ADGRF5: variants seen among roughly 807,000 people sequenced by gnomAD.
ADGRF5 encodes the protein G-protein coupled receptor 116.
Under a neutral mutation model 132.3 loss-of-function variants are expected in ADGRF5, and 75 were observed. That is an observed-to-expected ratio of 0.57 (90% CI 0.47 to 0.69). ADGRF5 has a LOEUF of 0.69. Ranked by LOEUF, ADGRF5 falls within the 30% of genes least tolerant of loss-of-function variation. ADGRF5 has a pLI of 0.00. For missense variants in ADGRF5, 1,516 were observed against 1,630.6 expected (o/e 0.93, Z 1.21); for synonymous variants, 629 against 597.6 (o/e 1.05, Z -0.77).
chr6:46,953,394 G>A (rs1778571147), intron 1 of ADGRF5, among the ~76,000 whole-genome samples: 1 of 151,860 alleles, frequency 6.6e-6, no homozygotes. Context: ...GGCCAAAGTG[G>A]GCAGATCACC....
intron 1 of ADGRF5, among the ~76,000 whole-genome samples, chr6:46,952,270 T>C (rs376572936): frequency 2.0e-5 from 3 of 152,298 alleles, no homozygotes; most frequent in African/African-American, 7.2e-5. Context: ...CTTATTTCAG[T>C]TTTCCTTAAT....
Position 46,858,223 on chromosome 6 carries a change from A to G in ADGRF5, c.3680T>C (p.Leu1227Pro), listed in dbSNP as rs1373859781. ...ACCAAAACCCCAAGTGAGGCCCAAG[A>G]GTGGTGTGAGGACCCCAATGCTCTT... ...ISKSIGVLTP[L>P]LGLTWGFGLT... The change falls in exon 17 of 21, where the codon CTC becomes CCC. Residue 1227 changes from leucine (L) to proline (P), a missense_variant. Coordinates refer to ENST00000283296, the MANE Select transcript of ADGRF5 (RefSeq NM_001098518.2). 1 of 1,614,140 alleles carries G rather than the reference A, an allele frequency of 6.2e-7. No homozygotes were observed. Among genetic ancestry groups the G allele is most frequent in the Non-Finnish European group, 8.5e-7 (1 of 1,180,016 alleles).
intron 11 of ADGRF5, chr6:46,869,451 AAGGG>A: frequency 1.1e-6 from 1 of 896,238 alleles, no homozygotes; most frequent in Non-Finnish European, 1.3e-6. Flanking sequence ...GTAACACCTT[AAGGG>A]AGAACAAATG....
chr6:46,909,338 T>G (rs1775703996), intron 1 of ADGRF5, among the ~76,000 whole-genome samples: 1 of 152,166 alleles, frequency 6.6e-6, no homozygotes, highest in African/African-American at 2.4e-5. Flanking sequence ...ATTCCCGATC[T>G]CCTTCTCTTT....
At chr6:46,884,773 C>T (rs184686571) in intron 4 of ADGRF5, among the ~76,000 whole-genome samples, 252 of 152,288 alleles carry the variant, frequency 1.7e-3, no homozygotes, top group Middle Eastern at 3.4e-3. Flanking sequence ...TCTTTCTCCC[C>T]TCACTCTGGG....
chr6:46,867,322 A>C (rs1325515492), intron 12 of ADGRF5, among the ~76,000 whole-genome samples, 185 bp from the exon 13 acceptor site: 1 of 152,234 alleles, frequency 6.6e-6, no homozygotes, highest in Non-Finnish European at 1.5e-5. Context: ...CATGCACTTG[A>C]AGGACTAACC....
chr6:46,953,685 A>ATATATATATATATATC (rs1326327311), intron 1 of ADGRF5, among the ~76,000 whole-genome samples: 28 of 126,940 alleles, frequency 2.2e-4, no homozygotes, highest in Admixed American at 9.9e-4. Flanking sequence ...ATATATATAT[A>ATATATATATATATATC]TATATCTCAC....
chr6:46,861,836 G>A (rs1020879373), intron 15 of ADGRF5, among the ~76,000 whole-genome samples: 1 of 152,094 alleles, frequency 6.6e-6, no homozygotes, highest in Non-Finnish European at 1.5e-5. Context: ...ATTGGGACTT[G>A]GGCCCACATC....
At chr6:46,912,590 G>C (rs1255618634) in intron 1 of ADGRF5, among the ~76,000 whole-genome samples, 1 of 152,130 alleles carries the variant, frequency 6.6e-6, no homozygotes, top group African/African-American at 2.4e-5. Context: ...ATAGAGAGTA[G>C]AGAAGGAGGC....
At chr6:46,870,693 T>C (rs1770953774) in intron 11 of ADGRF5, 1 of 237,696 alleles carries the variant, frequency 4.2e-6, no homozygotes, top group Non-Finnish European at 8.6e-6. Flanking sequence ...CTCTTGATTG[T>C]CTGATGAGAT....
At chr6:46,869,123 G>T (rs764045317) in intron 11 of ADGRF5, 31 bp from the exon 12 acceptor site, 2 of 1,599,424 alleles carry the variant, frequency 1.3e-6, no homozygotes, top group Admixed American at 3.4e-5. Flanking sequence ...ACAGACAAAA[G>T]AAAACTGACA....
At chr6:46,879,796 A>G (rs1163852270) in intron 9 of ADGRF5, 22 bp downstream of exon 9, 1 of 1,471,762 alleles carries the variant, frequency 6.8e-7, no homozygotes, top group East Asian at 2.3e-5. Context: ...TTCCTCACAC[A>G]AGTTACTGAA....
chr6:46,889,273 A>G (rs1246824020), intron 3 of ADGRF5, among the ~76,000 whole-genome samples: 1 of 146,698 alleles, frequency 6.8e-6, no homozygotes, highest in Non-Finnish European at 1.5e-5. Context: ...AGACTACTAT[A>G]TATACTATAT....
At chr6:46,890,972 G>A (rs182582715) in intron 3 of ADGRF5, among the ~76,000 whole-genome samples, 298 of 152,174 alleles carry the variant, frequency 2.0e-3, no homozygotes, top group African/African-American at 6.6e-3. Flanking sequence ...TGTAACATTT[G>A]TTCATTTAGC....
Position 46,946,415 on chromosome 6 carries a change from G to A in ADGRF5, c.-25+8319C>T, listed in dbSNP as rs115640161. On this transcript the variant is annotated intron_variant, in intron 1 of 20. Coordinates refer to the ADGRF5 transcript ENST00000265417. ...TGGGGTAGCGTAGACAGAACACAAT[G>A]TGAATGGTTGGTGATGATGTGAAGA... Among the ~76,000 whole-genome samples, 419 of 152,326 alleles carry A rather than the reference G, an allele frequency of 2.8e-3. 3 individuals are homozygous for A. The highest frequency in any genetic ancestry group is 9.5e-3 in the African/African-American group (393 of 41,572).
At chr6:46,920,774 G>A (rs1193541779) in intron 1 of ADGRF5, among the ~76,000 whole-genome samples, 1 of 151,794 alleles carries the variant, frequency 6.6e-6, no homozygotes, top group African/African-American at 2.4e-5. Context: ...GAGGCAGGAG[G>A]ATCGTTTGAA....
chr6:46,927,130 C>G (rs751702739), intron 1 of ADGRF5, among the ~76,000 whole-genome samples: 1 of 151,942 alleles, frequency 6.6e-6, no homozygotes, highest in Non-Finnish European at 1.5e-5. Flanking sequence ...CTTTGACTCC[C>G]AAAAAAGTTT....
chr6:46,878,404 A>G lies in ADGRF5; in HGVS notation c.1038T>C (p.Gly346=), dbSNP rs866732444. ...CTAATATCAGTTTGCAAACATATTC[A>G]CCTGCATAAAATACACAAAATCATG... ...TIHNITPGDA[G]EYVCKLILDI... is the part of the protein sequence containing the mutation. Residue 346 remains glycine, a splice_region_variant and synonymous_variant, in exon 10 of 21, where the codon GGT becomes GGC. Coordinates refer to ENST00000283296, the MANE Select transcript of ADGRF5 (RefSeq NM_001098518.2). 1.9e-6 allele frequency: 3 copies of G among 1,563,602 alleles called. No homozygotes were observed. The Middle Eastern group carries it at 5.0e-4, about 261-fold the overall frequency.
intron 1 of ADGRF5, among the ~76,000 whole-genome samples, chr6:46,934,998 CT>C (rs56982002): frequency 0.065 from 5,631 of 86,596 alleles, 42 homozygotes; most frequent in South Asian, 0.14. Flanking sequence ...GGTGATAGTT[CT>C]TTTTTTTTTT....
Sources: allele counts gnomAD v4.1 joint callset (sites outside exome capture counted in the v4.1 genomes callset), GRCh38; gene constraint gnomAD v4.1.1; transcripts MANE v1.5; gene names NCBI Gene and HGNC (gene_info 2026-07-23, HGNC 2026-07-21).